Variants in ZNF710 observed in about 807,000 individuals in gnomAD.
The protein encoded by ZNF710 is zinc finger protein 710.
In ZNF710, 13 loss-of-function variants were observed where a neutral mutation model predicts 50.6. The ratio of observed to expected loss-of-function variants is 0.26; its 90% confidence interval spans 0.17 to 0.41. ZNF710 has a LOEUF of 0.41. Among genes scored for constraint, ZNF710 ranks in the 10% least tolerant of loss-of-function variants. ZNF710 has a pLI of 1.00. For missense variants in ZNF710, 721 were observed against 936.6 expected, an observed-to-expected ratio of 0.77 and a Z score of 3.01; for synonymous variants, 383 against 397.0, an observed-to-expected ratio of 0.96 and a Z score of 0.42.
At chr15:90,051,064 C>T (rs939756629) in intron 1 of ZNF710, among the ~76,000 whole-genome samples, 1 of 151,578 alleles carries the variant, frequency 6.6e-6, no homozygotes, top group Non-Finnish European at 1.5e-5. Context: ...CATGGTGAAA[C>T]CCCATCTCTA....
At position 90,062,179 on chromosome 15, in the gene ZNF710, C is replaced by T. The variant is rs573230767; in HGVS notation, c.-28-4931C>T. On this transcript the variant is annotated intron_variant, in intron 1 of 4. Transcript: ENST00000268154. The surrounding 1 kb of genome is among the most constrained non-coding windows in gnomAD (Gnocchi z 5.6). The stretch of plus-strand genomic sequence containing the variant: ...CCCCTCACTCAGGCTCCTCCTCTGC[C>T]CCCCCTTCCCTGTCTCTTCATTTCT... Among the ~76,000 whole-genome samples, 2 of 150,508 alleles carry T rather than the reference C, an allele frequency of 1.3e-5. No individual in the cohort carries two copies. The highest frequency in any genetic ancestry group is 2.4e-5 in the African/African-American group (1 of 40,860).
At chr15:90,041,892 A>ATTTTTTTTTTTTTTTTTTTTTTTTTTTTT (rs71151548) in intron 1 of ZNF710, among the ~76,000 whole-genome samples, 1 of 110,600 alleles carries the variant, frequency 9.0e-6, no homozygotes. Context: ...TTTGTTTTTG[A>ATTTTTTTTTTTTTTTTTTTTTTTTTTTTT]TTTTTTTTTT....
intron 1 of ZNF710, among the ~76,000 whole-genome samples, chr15:90,066,658 A>G (rs1900179396): frequency 6.6e-6 from 1 of 152,022 alleles, no homozygotes; most frequent in African/African-American, 2.4e-5. Flanking sequence ...TATTTTTAGT[A>G]GAGACAGGAT....
At chr15:90,009,786 CT>C (rs1898249379) in intron 1 of ZNF710, among the ~76,000 whole-genome samples, 1 of 152,048 alleles carries the variant, frequency 6.6e-6, no homozygotes, top group Non-Finnish European at 1.5e-5. Flanking sequence ...CTCTCTCCCC[CT>C]CTTCTCCTTG....
In ZNF710 at chr15:90,021,119, G is replaced by A. The variant is rs115270066; in HGVS notation, c.-29+19505G>A. On this transcript the variant is annotated intron_variant, in intron 1 of 4. Coordinates refer to ENST00000268154, the MANE Select transcript of ZNF710 (RefSeq NM_198526.4). Reference sequence around the variant, plus strand: ...TTCTCCAGTGTGTGTTCAGACTTCTGACCTGGACCCGCCTTAGCCTTGGGG... The same window carrying A: ...TTCTCCAGTGTGTGTTCAGACTTCTAACCTGGACCCGCCTTAGCCTTGGGG... Among the ~76,000 whole-genome samples, 396 of 152,030 alleles carry A rather than the reference G, an allele frequency of 2.6e-3. 2 individuals are homozygous for A. The highest frequency in any genetic ancestry group is 8.5e-3 in the African/African-American group (353 of 41,402).
At chr15:90,030,815 G>A (rs944675139) in intron 1 of ZNF710, among the ~76,000 whole-genome samples, 1 of 151,976 alleles carries the variant, frequency 6.6e-6, no homozygotes, top group Non-Finnish European at 1.5e-5. Context: ...AGGAGATCAA[G>A]ACCATCCTGG....
At chr15:90,043,782 C>G (rs1392117501) in intron 1 of ZNF710, among the ~76,000 whole-genome samples, 2 of 152,124 alleles carry the variant, frequency 1.3e-5, no homozygotes, top group Non-Finnish European at 2.9e-5. Context: ...CTTTCTCTCC[C>G]CCGCCCTTTG....
chr15:90,063,831 G>A lies in ZNF710; in HGVS notation c.-28-3279G>A, dbSNP rs1367905258. 2.0e-5 allele frequency among the ~76,000 whole-genome samples: 3 copies of A among 152,206 alleles called. No homozygotes were observed. In the South Asian group the frequency reaches 6.2e-4, roughly 32 times the overall value. On this transcript the variant is annotated intron_variant, in intron 1 of 4. Transcript: ENST00000268154. Reference sequence around the variant, plus strand: ...ATGCCCGCGCCCTTGAGGTTGGCGGGAGGGGGCTGATTCCTGGTATTAGGC... The same window carrying A: ...ATGCCCGCGCCCTTGAGGTTGGCGGAAGGGGGCTGATTCCTGGTATTAGGC...
At position 90,034,838 on chromosome 15, in the gene ZNF710, C is replaced by T. The variant is rs543750686; in HGVS notation, c.-28-32272C>T. Among the ~76,000 whole-genome samples the T allele has an allele frequency of 2.6e-5, 4 of 152,330 alleles. No individual in the cohort carries two copies. The highest frequency in any genetic ancestry group is 2.1e-4 in the South Asian group (1 of 4,822). On this transcript the variant is annotated intron_variant, in intron 1 of 4. Transcript: ENST00000268154. The surrounding 1 kb of genome is among the most constrained non-coding windows in gnomAD (Gnocchi z 4.0). The stretch of plus-strand genomic sequence containing the variant: ...TTGGGGACTTAGACCTCTTCCACAT[C>T]GCCCCAAGGTCGGGCTGAAGAGATT...
chr15:90,019,187 CTTTTTTTTTTTTTTT>C (rs11285838), intron 1 of ZNF710, among the ~76,000 whole-genome samples: 2 of 89,388 alleles, frequency 2.2e-5, no homozygotes, highest in African/African-American at 8.9e-5. Flanking sequence ...CTTTTTCTTT[CTTTTTTTTTTTTTTT>C]TTTTTTTGCT....
upstream of ZNF710, among the ~76,000 whole-genome samples, chr15:89,999,936 AAGAGGGAGGGG>A (rs1366476077): frequency 6.6e-6 from 1 of 151,222 alleles, no homozygotes; most frequent in African/African-American, 2.4e-5. Flanking sequence ...GAAGGAAGGG[AAGAGGGAGGGG>A]AGAGGATCCA....
rs111672223 is a variant in ZNF710, at chr15:90,016,170, A to G, written c.-29+14556A>G. 1.7e-3 allele frequency among the ~76,000 whole-genome samples: 252 copies of G among 152,302 alleles called. 2 individuals carry two copies. The highest frequency in any genetic ancestry group is 5.6e-3 in the African/African-American group (232 of 41,582). ...CCTAATAATTTTTTTTAAAGAAGGA[A>G]AAAAGGATGGGTAGAAAGAAAGGAG... On this transcript the variant is annotated intron_variant, in intron 1 of 4. Coordinates refer to ENST00000268154, the MANE Select transcript of ZNF710 (RefSeq NM_198526.4).
At chr15:90,008,441 C>CATAT (rs1011267136) in intron 1 of ZNF710, among the ~76,000 whole-genome samples, 1 of 126,508 alleles carries the variant, frequency 7.9e-6, no homozygotes, top group Admixed American at 7.6e-5. Flanking sequence ...TATATATATA[C>CATAT]ATATATATAT....
Position 90,068,407 on chromosome 15 carries a change from C to T in ZNF710, c.1270C>T (p.Arg424Cys), listed in dbSNP as rs1900264760. Residue 424 changes from arginine to cysteine, a missense_variant, in exon 2 of 5, where the codon CGC becomes TGC. This residue lies in a region of ZNF710 where 326 missense variants were observed against 522.0 expected (regional missense o/e 0.62). Coordinates refer to ENST00000268154, the MANE Select transcript of ZNF710 (RefSeq NM_198526.4). The surrounding 1 kb of genome is among the most constrained non-coding windows in gnomAD (Gnocchi z 5.0). ...LDFSTLTQLK[R>C]HLASHQGPTL... is the part of the protein sequence containing the mutation. ...CTTCTCCACCCTGACCCAGCTCAAG[C>T]GCCACCTGGCCTCCCACCAGGGCCC... 5 of 1,613,732 alleles carry T rather than the reference C, an allele frequency of 3.1e-6. No individual in the cohort carries two copies. The highest frequency in any genetic ancestry group is 2.2e-5 in the East Asian group (1 of 44,890).
chr15:90,012,831 AT>A (rs534525187), intron 1 of ZNF710, among the ~76,000 whole-genome samples: 1,660 of 151,014 alleles, frequency 0.011, 20 homozygotes, highest in Middle Eastern at 0.02. Flanking sequence ...GTGAATGATT[AT>A]TTTTTTTTAT....
In ZNF710 at chr15:90,080,751, A is replaced by C. The variant is rs560322458; in HGVS notation, c.*922A>C. ...CCTCAGTGTCCACCTTGCGACGGGG[A>C]TAGCCACGAGTCAGCAGCTTCCCGG... is the stretch of plus-strand genomic sequence containing the variant. On this transcript the variant is annotated 3_prime_UTR_variant, in exon 5 of 5. Transcript: ENST00000268154. 6.6e-6 allele frequency: 1 copy of C among 152,374 alleles called. No homozygotes were observed. Among genetic ancestry groups the C allele is most frequent in the South Asian group, 2.1e-4 (1 of 4,834 alleles). The allele number at this position is 152,374 out of a possible 1,614,324, so 9.4% of individuals were successfully genotyped here.
At position 90,061,676 on chromosome 15, in the gene ZNF710, A is replaced by G. The variant is rs539139405; in HGVS notation, c.-28-5434A>G. Among the ~76,000 whole-genome samples, 11 of 152,166 alleles carry G rather than the reference A, an allele frequency of 7.2e-5. 1 individual carries two copies. In the East Asian group the frequency reaches 2.1e-3, roughly 29 times the overall value. ...TCCCACCCGACCCTCCTCTGCTCCTAGAGTGATGGGGTCCCCATGAGAGGA... is the reference window on the plus strand; with the variant it reads ...TCCCACCCGACCCTCCTCTGCTCCTGGAGTGATGGGGTCCCCATGAGAGGA... On this transcript the variant is annotated intron_variant, in intron 1 of 4. Transcript: ENST00000268154.
intron 1 of ZNF710, chr15:90,006,936 G>A (rs1320240583): frequency 6.5e-6 from 1 of 154,670 alleles, no homozygotes; most frequent in Non-Finnish European, 1.5e-5. Flanking sequence ...GTCACCCTGG[G>A]GTGACTTCTC....
chr15:90,045,867 G>C lies in ZNF710; in HGVS notation c.-28-21243G>C, dbSNP rs561410847. Reference sequence around the variant, plus strand: ...AAGAGACGCGAGGTAGCAGGGGCCAGGTCTCTTCTGGAGGACCTACCGCAT... The same window carrying C: ...AAGAGACGCGAGGTAGCAGGGGCCACGTCTCTTCTGGAGGACCTACCGCAT... On this transcript the variant is annotated intron_variant, in intron 1 of 4. Transcript: ENST00000268154. Among the ~76,000 whole-genome samples the C allele has an allele frequency of 3.3e-5, 5 of 152,284 alleles. No individual in the cohort carries two copies. In the South Asian group the frequency reaches 1.0e-3, roughly 32 times the overall value.
Sources: gnomAD v4.1 joint callset for allele counts (sites outside exome capture counted in the v4.1 genomes callset) on GRCh38, gnomAD v4.1.1 for gene constraint, gnomAD v4.1.1 regional missense constraint, Gnocchi (gnomAD v3.1) non-coding constraint, MANE v1.5 for transcripts, NCBI Gene and HGNC (gene_info 2026-07-23, HGNC 2026-07-21) for gene names.